Variants in KRIT1 observed in about 807,000 individuals in gnomAD.
The protein encoded by KRIT1 is KRIT1 ankyrin repeat containing, also known as krev interaction trapped protein 1.
In KRIT1, 45 loss-of-function variants were observed where a neutral mutation model predicts 95.8. The observed-to-expected ratio is 0.47, with a 90% CI of 0.37 to 0.60. KRIT1 has a LOEUF of 0.60. Ranked by LOEUF, KRIT1 falls within the 20% of genes least tolerant of loss-of-function variation. The probability of loss-of-function intolerance (pLI) is 0.00; values close to 1 mark genes in which losing one functional copy is unlikely to be tolerated. For missense variants in KRIT1, 788 were observed against 877.5 expected, an observed-to-expected ratio of 0.90 and a Z score of 1.29; for synonymous variants, 282 against 278.8, an observed-to-expected ratio of 1.01 and a Z score of -0.11.
rs1796248646 is a variant in KRIT1 at position 92,226,571 on chromosome 7, A to G, written c.1101T>C (p.His367=). ...SPLHFAAGGG[H]AEIVQILLNH... is the part of the protein sequence containing the mutation. ...TTAGGAGAATCTGTACTATTTCAGC[A>G]TGTCCTCCTCCAGCAGCAAAATGAA... The change falls in exon 11 of 19, where the codon CAT becomes CAC. Residue 367 remains histidine, a synonymous_variant. Coordinates refer to ENST00000394505, the MANE Select transcript of KRIT1 (RefSeq NM_194454.3). 4 of 1,613,184 alleles carry G rather than the reference A, an allele frequency of 2.5e-6. No homozygotes were observed. Among genetic ancestry groups the G allele is most frequent in the Non-Finnish European group, 2.5e-6 (3 of 1,179,214 alleles).
chr7:92,238,644 T>C (rs975492292), intron 5 of KRIT1, among the ~76,000 whole-genome samples: 18 of 152,236 alleles, frequency 1.2e-4, no homozygotes, highest in African/African-American at 4.1e-4. Context: ...AAGTCTCGTT[T>C]CTACTTAATC....
intron 17 of KRIT1, among the ~76,000 whole-genome samples, chr7:92,212,103 T>A (rs1404652682): frequency 6.6e-6 from 1 of 151,984 alleles, no homozygotes; most frequent in African/African-American, 2.4e-5. Context: ...AGACCCTGTC[T>A]CAAAAAATAA....
intron 17 of KRIT1, among the ~76,000 whole-genome samples, chr7:92,204,264 GA>G (rs763023957): frequency 7.3e-4 from 98 of 134,520 alleles, no homozygotes; most frequent in Middle Eastern, 3.8e-3. Flanking sequence ...GTGTCCCAAG[GA>G]AAAAAAAAAA....
chr7:92,237,553 T>C (rs980970240), intron 6 of KRIT1, 114 bp downstream of exon 6: 25 of 471,038 alleles, frequency 5.3e-5, no homozygotes, highest in African/African-American at 3.3e-4. Flanking sequence ...TTTTAAAATA[T>C]GTATTTTATA....
rs1789924268 is a variant in KRIT1, at chr7:92,200,600, C to A, written c.*136G>T. ...ACTCTGACTTCAGGTGATCCGCCTG[C>A]CCCAGCCTCCCAAAGTGCTGGAATT... On this transcript the variant is annotated 3_prime_UTR_variant, in exon 19 of 19. Coordinates refer to ENST00000394505, the MANE Select transcript of KRIT1 (RefSeq NM_194454.3). 1.4e-6 allele frequency: 1 copy of A among 694,160 alleles called. No individual in the cohort carries two copies. The highest frequency in any genetic ancestry group is 2.7e-6 in the Non-Finnish European group (1 of 376,808). The allele number at this position is 694,160 out of a possible 1,614,324, so 43.0% of individuals were successfully genotyped here.
At chr7:92,203,323 C>A (rs1790640283) in intron 17 of KRIT1, among the ~76,000 whole-genome samples, 1 of 152,200 alleles carries the variant, frequency 6.6e-6, no homozygotes, top group Admixed American at 6.5e-5. Context: ...GCTGGTTGTT[C>A]CCACATTTGA....
intron 18 of KRIT1, 142 bp from the exon 19 acceptor site, chr7:92,200,946 G>T: frequency 1.5e-6 from 1 of 687,902 alleles, no homozygotes; most frequent in South Asian, 1.6e-5. Flanking sequence ...GTATAGAGGG[G>T]GATATTTACT....
intron 17 of KRIT1, among the ~76,000 whole-genome samples, chr7:92,212,846 T>C (rs1345638522): frequency 6.6e-6 from 1 of 152,258 alleles, no homozygotes; most frequent in Non-Finnish European, 1.5e-5. Context: ...ACAAGCAATA[T>C]GTATTTATGT....
chr7:92,242,145 A>T lies in KRIT1; in HGVS notation c.-2-8T>A, dbSNP rs1426421387. The T allele has an allele frequency of 2.1e-6, 3 of 1,442,150 alleles. No homozygotes were observed. The highest frequency in any genetic ancestry group is 2.9e-6 in the Non-Finnish European group (3 of 1,024,274). 89.3% of individuals were successfully genotyped at this position (1,442,150 alleles called of 1,614,324 possible). On this transcript the variant is annotated splice_region_variant and splice_polypyrimidine_tract_variant and intron_variant, in intron 3 of 18. Coordinates refer to ENST00000394505, the MANE Select transcript of KRIT1 (RefSeq NM_194454.3). ...TTTCTGGATTTCCCATTGCTTTACAAAACAAATAAAAAAATCCTTTGAAAG... is the reference window on the plus strand; with the variant it reads ...TTTCTGGATTTCCCATTGCTTTACATAACAAATAAAAAAATCCTTTGAAAG...
chr7:92,218,190 C>T (rs4729025), intron 14 of KRIT1, among the ~76,000 whole-genome samples: 86,100 of 151,612 alleles, frequency 0.57, 25,721 homozygotes, highest in African/African-American at 0.77. Context: ...TAGCTAGAAC[C>T]ACAGGTGTGT....
chr7:92,207,253 A>G (rs917241611), intron 17 of KRIT1, among the ~76,000 whole-genome samples: 16 of 152,166 alleles, frequency 1.1e-4, no homozygotes, highest in African/African-American at 3.9e-4. Flanking sequence ...TCTAAAAACC[A>G]TAAGATAAAT....
Position 92,235,365 on chromosome 7 carries a change from G to A in KRIT1, c.729+38C>T, listed in dbSNP as rs201570546. The A allele has an allele frequency of 1.9e-4, 309 of 1,600,942 alleles. 2 individuals are homozygous for A. In the East Asian group the frequency reaches 3.9e-3, roughly 20 times the overall value. On this transcript the variant is annotated intron_variant, in intron 8 of 18. Coordinates refer to ENST00000394505, the MANE Select transcript of KRIT1 (RefSeq NM_194454.3). ...AAAAAAATTACACTTGAGATAAAAC[G>A]TCTTTTAAATCAGAGCTAAAATTCA...
intron 14 of KRIT1, among the ~76,000 whole-genome samples, chr7:92,220,187 G>T (rs896255574): frequency 1.3e-5 from 2 of 152,168 alleles, no homozygotes; most frequent in Non-Finnish European, 2.9e-5. Context: ...TTATCATGCT[G>T]AGAAGTTCGC....
intron 12 of KRIT1, among the ~76,000 whole-genome samples, chr7:92,225,056 CTGAGGA>C (rs1795939154): frequency 1.3e-5 from 2 of 151,900 alleles, no homozygotes; most frequent in Non-Finnish European, 2.9e-5. Flanking sequence ...ACTCGGGAGG[CTGAGGA>C]TAACTGCTTG....
intron 10 of KRIT1, among the ~76,000 whole-genome samples, chr7:92,228,891 T>C (rs1259154681): frequency 6.6e-6 from 1 of 152,182 alleles, no homozygotes; most frequent in Non-Finnish European, 1.5e-5. Flanking sequence ...TCCAGCTCCA[T>C]CCATGGTCCT....
intron 17 of KRIT1, among the ~76,000 whole-genome samples, chr7:92,202,684 G>A (rs1027435711): frequency 6.6e-6 from 1 of 152,128 alleles, no homozygotes; most frequent in Admixed American, 6.5e-5. Context: ...CCGAGGTCAC[G>A]CTACTGCACT....
intron 2 of KRIT1, among the ~76,000 whole-genome samples, 198 bp from the exon 3 acceptor site, chr7:92,244,347 T>C (rs1489529354): frequency 6.6e-6 from 1 of 152,224 alleles, no homozygotes; most frequent in East Asian, 1.9e-4. Flanking sequence ...CAAAGTACTT[T>C]GTCAATACTC....
chr7:92,214,087 A>C, intron 15 of KRIT1, 108 bp from the exon 16 acceptor site: 1 of 733,346 alleles, frequency 1.4e-6, no homozygotes, highest in Non-Finnish European at 2.5e-6. Flanking sequence ...TTAACCTGAA[A>C]AATATTTTGC....
At chr7:92,229,577 C>T (rs1796872425) in intron 10 of KRIT1, among the ~76,000 whole-genome samples, 1 of 152,184 alleles carries the variant, frequency 6.6e-6, no homozygotes, top group Admixed American at 6.5e-5. Flanking sequence ...AAATGCAAAT[C>T]AAAGCCACAA....
Sources: allele counts gnomAD v4.1 joint callset (sites outside exome capture counted in the v4.1 genomes callset), GRCh38; gene constraint gnomAD v4.1.1; transcripts MANE v1.5; gene names NCBI Gene and HGNC (gene_info 2026-07-23, HGNC 2026-07-21).